The following DDHD2 variants were observed in gnomAD, a reference collection of about 807,000 sequenced individuals.
DDHD2 encodes the protein DDHD domain containing 2.
A neutral mutation model predicts 91.2 loss-of-function variants in DDHD2; 62 were observed. The ratio of observed to expected loss-of-function variants is 0.68; its 90% CI spans 0.55 to 0.84. DDHD2 has a LOEUF of 0.84. Ranked by LOEUF, DDHD2 falls within the 40% of genes least tolerant of loss-of-function variation. DDHD2 has a pLI of 0.00. For synonymous variants in DDHD2, 271 were observed against 293.9 expected, an observed-to-expected ratio of 0.92 and a Z score of 0.80; for missense variants, 740 against 846.9, an observed-to-expected ratio of 0.87 and a Z score of 1.57.
At chr8:38,258,130 C>A (rs554060130) in intron 16 of DDHD2, among the ~76,000 whole-genome samples, 1 of 152,062 alleles carries the variant, frequency 6.6e-6, no homozygotes, top group African/African-American at 2.4e-5. Flanking sequence ...AACACCATGC[C>A]TGGCTATTCT....
intron 7 of DDHD2, among the ~76,000 whole-genome samples, chr8:38,242,752 A>G (rs1018754664): frequency 2.0e-5 from 3 of 152,210 alleles, no homozygotes; most frequent in Non-Finnish European, 4.4e-5. Flanking sequence ...TTATATTTAA[A>G]TAATATTTGT....
At chr8:38,252,600 C>G in intron 13 of DDHD2, 122 bp from the exon 14 acceptor site, 1 of 723,770 alleles carries the variant, frequency 1.4e-6, no homozygotes, top group Non-Finnish European at 2.2e-6. Context: ...CATGATTGCA[C>G]CACTGCACTC....
At chr8:38,269,037 C>T (rs1358655453) in intron 1 of DDHD2, 12 of 1,533,582 alleles carry the variant, frequency 7.8e-6, no homozygotes, top group Non-Finnish European at 9.6e-6. Context: ...GGCTTCCTCC[C>T]CGCTTCCCCA....
chr8:38,239,849 G>T (rs1483967122), intron 5 of DDHD2, among the ~76,000 whole-genome samples: 1 of 149,586 alleles, frequency 6.7e-6, no homozygotes, highest in Non-Finnish European at 1.5e-5. Flanking sequence ...CCTCAGCCTC[G>T]CGAGTAGCTG....
intron 3 of DDHD2, among the ~76,000 whole-genome samples, chr8:38,237,055 T>G (rs1804833327): frequency 6.6e-6 from 1 of 152,124 alleles, no homozygotes; most frequent in Non-Finnish European, 1.5e-5. Context: ...TTTGTCCTGG[T>G]GCTACTATCA....
intron 13 of DDHD2, 34 bp downstream of exon 13, chr8:38,252,321 A>G: frequency 1.3e-6 from 2 of 1,571,688 alleles, no homozygotes; most frequent in South Asian, 2.4e-5. Flanking sequence ...GTTTTACCTA[A>G]ATATCAGGGC....
chr8:38,252,100 A>G, intron 12 of DDHD2, 32 bp from the exon 13 acceptor site: 1 of 1,612,556 alleles, frequency 6.2e-7, no homozygotes, highest in Non-Finnish European at 8.5e-7. Flanking sequence ...TTTTGTTATT[A>G]ATGAGAGATG....
chr8:38,265,723 G>A (rs1210577973), downstream of DDHD2: 1 of 153,234 alleles, frequency 6.5e-6, no homozygotes, highest in Non-Finnish European at 1.5e-5. Context: ...GCCAAGCCAG[G>A]TGTTCTGTAA....
At position 38,238,484 on chromosome 8, in the gene DDHD2, G is replaced by A. The variant is rs966287201; in HGVS notation, c.622+275G>A. 6.2e-6 allele frequency: 7 copies of A among 1,137,150 alleles called. No individual in the cohort carries two copies. In the African/African-American group the frequency reaches 6.6e-5, roughly 11 times the overall value. 70.4% of individuals were successfully genotyped at this position (1,137,150 alleles called of 1,614,324 possible). ...TGAACTGATTTAGTCCTAATTCCAA[G>A]AAGTGTGATTCCACCTACTTGACTA... On this transcript the variant is annotated intron_variant, in intron 5 of 17. Coordinates refer to ENST00000397166, the MANE Select transcript of DDHD2 (RefSeq NM_015214.3).
At chr8:38,254,554 TAC>T (rs1475546228) in intron 16 of DDHD2, among the ~76,000 whole-genome samples, 1 of 152,000 alleles carries the variant, frequency 6.6e-6, no homozygotes, top group African/African-American at 2.4e-5. Context: ...CTAATTTTTG[TAC>T]AGACAGGGTT....
At chr8:38,268,867 T>C (rs1808190290) in intron 1 of DDHD2, 1 of 1,543,158 alleles carries the variant, frequency 6.5e-7, no homozygotes, top group Non-Finnish European at 8.7e-7. Context: ...GGAAAGACGA[T>C]CTTTCTCCAC....
chr8:38,232,715 G>A (rs981584758), intron 1 of DDHD2, among the ~76,000 whole-genome samples: 8 of 152,260 alleles, frequency 5.3e-5, no homozygotes, highest in Admixed American at 3.9e-4. Context: ...GTGATTCTGG[G>A]TTTGTTTTAT....
chr8:38,255,412 G>A (rs1175698808), intron 16 of DDHD2: 4 of 444,176 alleles, frequency 9.0e-6, no homozygotes, highest in East Asian at 6.3e-5. Context: ...TAATATTTCT[G>A]TGTGGGCAGT....
chr8:38,254,589 C>A (rs972563044), intron 16 of DDHD2, among the ~76,000 whole-genome samples: 2 of 152,064 alleles, frequency 1.3e-5, no homozygotes, highest in Non-Finnish European at 1.5e-5. Flanking sequence ...CCAGGCTGGT[C>A]TAAACTTCAA....
At chr8:38,243,697 A>C (rs1466991657) in intron 7 of DDHD2, among the ~76,000 whole-genome samples, 1 of 151,774 alleles carries the variant, frequency 6.6e-6, no homozygotes, top group Admixed American at 6.6e-5. Context: ...GTGTGATCAC[A>C]GCTCACTGCA....
intron 3 of DDHD2, 39 bp from the exon 4 acceptor site, chr8:38,237,499 G>A: frequency 1.0e-6 from 1 of 995,960 alleles, no homozygotes; most frequent in African/African-American, 1.6e-5. Flanking sequence ...TAATAGGAAA[G>A]CTACTAGAGA....
intron 5 of DDHD2, chr8:38,238,772 A>AC: frequency 1.3e-6 from 1 of 768,716 alleles, no homozygotes; most frequent in Non-Finnish European, 1.6e-6. Context: ...AGATAAAAGT[A>AC]TTTTATCAAT....
At chr8:38,241,428 T>A in intron 6 of DDHD2, among the ~76,000 whole-genome samples, 1 of 151,998 alleles carries the variant, frequency 6.6e-6, no homozygotes, top group Non-Finnish European at 1.5e-5. Flanking sequence ...AATATATTAT[T>A]TTCTTTCCTG....
At chr8:38,240,862 C>T (rs904609530) in intron 6 of DDHD2, among the ~76,000 whole-genome samples, 8 of 152,054 alleles carry the variant, frequency 5.3e-5, no homozygotes, top group African/African-American at 1.4e-4. Context: ...CATGAGGTCA[C>T]GAGTTCAAGA....
Sources: gnomAD v4.1 joint callset for allele counts (sites outside exome capture counted in the v4.1 genomes callset) on GRCh38, gnomAD v4.1.1 for gene constraint, MANE v1.5 for transcripts, NCBI Gene and HGNC (gene_info 2026-07-23, HGNC 2026-07-21) for gene names.